HIVEP3: variants seen among roughly 807,000 people sequenced by gnomAD.
The protein encoded by HIVEP3 is transcription factor HIVEP3.
In HIVEP3, 49 loss-of-function variants were observed where a neutral mutation model predicts 152.8. The observed-to-expected ratio is 0.32, with a 90% confidence interval of 0.26 to 0.41. The LOEUF (loss-of-function observed/expected upper bound fraction) is 0.41, where lower values mean the gene tolerates loss of function less well. Ranked by LOEUF, HIVEP3 falls within the 10% of genes least tolerant of loss-of-function variation. HIVEP3 has a pLI of 1.00. For synonymous variants in HIVEP3, 1,269 were observed against 1,289.0 expected (o/e 0.98, Z 0.33); for missense variants, 2,790 against 3,103.3 (o/e 0.90, Z 2.40).
intron 1 of HIVEP3, among the ~76,000 whole-genome samples, chr1:41,822,988 A>C (rs1229532610): frequency 6.6e-6 from 1 of 152,238 alleles, no homozygotes; most frequent in African/African-American, 2.4e-5. Flanking sequence ...CCTAACTCTC[A>C]ATGTGACTTT....
At chr1:41,991,127 C>A (rs1197560103) in intron 1 of HIVEP3, among the ~76,000 whole-genome samples, 2,258 of 150,736 alleles carry the variant, frequency 0.015, 53 homozygotes, top group African/African-American at 0.053. Flanking sequence ...CAAAAGCTAG[C>A]AGAAGGCAAG....
chr1:41,718,982 C>T (rs1570390301), intron 1 of HIVEP3, among the ~76,000 whole-genome samples: 1 of 152,198 alleles, frequency 6.6e-6, no homozygotes, highest in East Asian at 1.9e-4. Context: ...TGGACTAGGA[C>T]CCACCAGGAG....
At chr1:41,776,487 AT>A (rs1648711656) in intron 1 of HIVEP3, among the ~76,000 whole-genome samples, 3 of 152,044 alleles carry the variant, frequency 2.0e-5, no homozygotes, top group African/African-American at 4.8e-5. Flanking sequence ...GCCGTGGGAC[AT>A]CTCGGTCTGT....
chr1:41,620,044 G>A (rs1266490897), intron 3 of HIVEP3, among the ~76,000 whole-genome samples: 1 of 152,110 alleles, frequency 6.6e-6, no homozygotes, highest in Non-Finnish European at 1.5e-5. Flanking sequence ...TTGAATATCT[G>A]TTGAATGAAT....
At chr1:41,564,345 G>C (rs1191587172) in intron 5 of HIVEP3, among the ~76,000 whole-genome samples, 2 of 152,208 alleles carry the variant, frequency 1.3e-5, no homozygotes, top group East Asian at 3.8e-4. Context: ...GAGGGCCAAG[G>C]CCTGAATAAC....
chr1:41,582,857 T>A lies in HIVEP3; in HGVS notation c.1941A>T (p.Ile647=). Residue 647 remains isoleucine (I), a synonymous_variant, in exon 4 of 9, where the codon ATA becomes ATT. Coordinates refer to ENST00000372583, the MANE Select transcript of HIVEP3 (RefSeq NM_024503.5). The surrounding 1 kb of genome is among the most constrained non-coding windows in gnomAD (Gnocchi z 4.7). ...CCCTTTTCTTGTACCGAGCACCACA[T>A]ATGTTACATTCGTAGATCACCCCTT... ...KTKGVIYECN[I]CGARYKKRDN... is the part of the protein sequence containing the mutation. The A allele has an allele frequency of 6.2e-7, 1 of 1,614,186 alleles. No homozygotes were observed. Among genetic ancestry groups the A allele is most frequent in the East Asian group, 2.2e-5 (1 of 44,868 alleles).
intron 1 of HIVEP3, chr1:41,869,663 A>G (rs1644043929): frequency 6.6e-6 from 1 of 152,210 alleles, no homozygotes; most frequent in Non-Finnish European, 1.5e-5. Context: ...AAACAAAATG[A>G]GAAACAAAGG....
In HIVEP3 at chr1:41,860,332, T is replaced by TAA. The variant is rs566098007; in HGVS notation, c.-801+58079_-801+58080dup. Among the ~76,000 whole-genome samples the TAA allele has an allele frequency of 5.6e-4, 85 of 152,318 alleles. 2 individuals are homozygous for TAA. The South Asian group carries it at 0.016, about 29-fold the overall frequency. ...AATCCTACCACAACAAACATGTTCA[T>TAA]AATCAAGGTCAGCATAGCACAAAGA... On this transcript the variant is annotated intron_variant, in intron 1 of 8. Transcript: ENST00000372583.
At chr1:41,862,267 G>A (rs1453465252) in intron 1 of HIVEP3, among the ~76,000 whole-genome samples, 1 of 152,154 alleles carries the variant, frequency 6.6e-6, no homozygotes, top group Non-Finnish European at 1.5e-5. Flanking sequence ...TGTGGGCTCT[G>A]CACTCCTCTC....
Position 41,628,902 on chromosome 1 carries a change from C to T in HIVEP3, c.-675G>A, listed in dbSNP as rs887044227. The T allele has an allele frequency of 1.6e-6, 2 of 1,231,618 alleles. No homozygotes were observed. Among genetic ancestry groups the T allele is most frequent in the African/African-American group, 3.1e-5 (2 of 64,420 alleles). The allele number at this position is 1,231,618 out of a possible 1,614,324, so 76.3% of individuals were successfully genotyped here. On this transcript the variant is annotated 5_prime_UTR_variant, in exon 3 of 9. Transcript: ENST00000372583. ...CTTGCTTGGCCAGGACCCCGCGAGGCTCCTCCATGAACTAGGTTGAGGCTG... is the reference window on the plus strand; with the variant it reads ...CTTGCTTGGCCAGGACCCCGCGAGGTTCCTCCATGAACTAGGTTGAGGCTG...
At chr1:41,532,966 G>C (rs1322454945) in intron 5 of HIVEP3, among the ~76,000 whole-genome samples, 1 of 152,168 alleles carries the variant, frequency 6.6e-6, no homozygotes, top group African/African-American at 2.4e-5. Flanking sequence ...CTCAAAAAGA[G>C]AAAGGTCAGA....
At chr1:41,990,235 T>C (rs1281666869) in intron 1 of HIVEP3, among the ~76,000 whole-genome samples, 2 of 129,388 alleles carry the variant, frequency 1.5e-5, no homozygotes, top group African/African-American at 5.9e-5. Flanking sequence ...TCTTTAAGAA[T>C]GTTGAATATT....
intron 1 of HIVEP3, among the ~76,000 whole-genome samples, chr1:41,715,820 G>C (rs1438917229): frequency 6.6e-6 from 1 of 152,180 alleles, no homozygotes; most frequent in East Asian, 1.9e-4. Flanking sequence ...AATATCCTCA[G>C]CAGGCAGCCC....
intron 1 of HIVEP3, among the ~76,000 whole-genome samples, chr1:41,878,957 C>G (rs1010456473): frequency 4.8e-5 from 7 of 146,530 alleles, no homozygotes; most frequent in African/African-American, 1.8e-4. Context: ...CTCCACTTGT[C>G]TCTTCCACGG....
chr1:41,895,471 G>A (rs1644512799), intron 1 of HIVEP3, among the ~76,000 whole-genome samples: 2 of 152,192 alleles, frequency 1.3e-5, no homozygotes, highest in Non-Finnish European at 1.5e-5. Context: ...AAGGTGCTTA[G>A]GTTAACCAAA....
At chr1:41,673,599 G>T (rs538229651) in intron 2 of HIVEP3, among the ~76,000 whole-genome samples, 1 of 152,052 alleles carries the variant, frequency 6.6e-6, no homozygotes, top group African/African-American at 2.4e-5. Context: ...AACCAAAACC[G>T]CGAGCCTGAG....
At chr1:41,648,101 A>T (rs529122556) in intron 2 of HIVEP3, among the ~76,000 whole-genome samples, 1 of 152,080 alleles carries the variant, frequency 6.6e-6, no homozygotes, top group Admixed American at 6.6e-5. Context: ...ACAAGATCTC[A>T]CCCACTGCAG....
At position 41,575,563 on chromosome 1, in the gene HIVEP3, T is replaced by C. The variant is rs1354625552; in HGVS notation, c.5188A>G (p.Ile1730Val). The C allele has an allele frequency of 1.9e-6, 3 of 1,614,150 alleles. No homozygotes were observed. The highest frequency in any genetic ancestry group is 1.1e-5 in the South Asian group (1 of 91,078). ...TCTTACCCTCCTTCGAAGATTTTGA[T>C]CCTCGCCGGCTCCCCTCTCTGGGAG... is the stretch of plus-strand genomic sequence containing the variant. Reference protein sequence around the residue: ...PASQRGEPARIKIFEGGYKSN... With the variant: ...PASQRGEPARVKIFEGGYKSN... Residue 1730 changes from isoleucine (I) to valine (V), a missense_variant, in exon 5 of 9, where the codon ATC becomes GTC. Around this residue, in one of 9 missense-constraint regions of HIVEP3, gnomAD observed 1,078 missense variants for 1,165.3 expected, o/e 0.93. Coordinates refer to ENST00000372583, the MANE Select transcript of HIVEP3 (RefSeq NM_024503.5).
chr1:41,833,544 C>A (rs369896426), intron 1 of HIVEP3, among the ~76,000 whole-genome samples: 4 of 152,198 alleles, frequency 2.6e-5, no homozygotes, highest in African/African-American at 9.7e-5. Flanking sequence ...GAGATAAGGC[C>A]TGAACCTAGG....
Sources: gnomAD v4.1 joint callset for allele counts (sites outside exome capture counted in the v4.1 genomes callset) on GRCh38, gnomAD v4.1.1 for gene constraint, gnomAD v4.1.1 regional missense constraint, Gnocchi (gnomAD v3.1) non-coding constraint, MANE v1.5 for transcripts, NCBI Gene and HGNC (gene_info 2026-07-23, HGNC 2026-07-21) for gene names.